The following NAT1 variants were observed in gnomAD, a reference collection of about 807,000 sequenced individuals.
The protein encoded by NAT1 is N-acetyltransferase 1.
For missense variants in NAT1, 400 were observed against 339.2 expected, an observed-to-expected ratio of 1.18 and a Z score of -1.41; for synonymous variants, 144 against 122.6, an observed-to-expected ratio of 1.17 and a Z score of -1.16.
chr8:18,174,041 C>A (rs1802197353), intron 2 of NAT1, among the ~76,000 whole-genome samples: 1 of 152,074 alleles, frequency 6.6e-6, no homozygotes, highest in South Asian at 2.1e-4. Context: ...TGTGAGTCAT[C>A]CTCCTTGTGA....
At chr8:18,198,238 G>A (rs917891078) in intron 2 of NAT1, among the ~76,000 whole-genome samples, 1 of 152,108 alleles carries the variant, frequency 6.6e-6, no homozygotes, top group Non-Finnish European at 1.5e-5. Flanking sequence ...TTCATGTGAG[G>A]TGCCCTCTAC....
chr8:18,196,804 T>G (rs1803253061), intron 2 of NAT1, among the ~76,000 whole-genome samples: 1 of 152,186 alleles, frequency 6.6e-6, no homozygotes, highest in Non-Finnish European at 1.5e-5. Context: ...AAAGGATATT[T>G]TAGAACTACA....
chr8:18,181,337 G>T (rs556741056), intron 2 of NAT1, among the ~76,000 whole-genome samples: 1 of 151,824 alleles, frequency 6.6e-6, no homozygotes, highest in African/African-American at 2.4e-5. Context: ...CAGATTCAAC[G>T]CAATCCCTAT....
chr8:18,196,089 T>G (rs1000214), intron 2 of NAT1, among the ~76,000 whole-genome samples: 127,876 of 152,066 alleles, frequency 0.84, 54,138 homozygotes, highest in African/African-American at 0.92. Flanking sequence ...ATACAGCAAT[T>G]TCAAAACATT....
chr8:18,197,528 C>T (rs1466195911), intron 2 of NAT1, among the ~76,000 whole-genome samples: 2 of 152,156 alleles, frequency 1.3e-5, no homozygotes, highest in African/African-American at 2.4e-5. Context: ...AAACAATGCA[C>T]ACGACAGCCC....
intron 2 of NAT1, among the ~76,000 whole-genome samples, chr8:18,190,480 A>G (rs1670938492): frequency 1.3e-5 from 2 of 152,206 alleles, no homozygotes; most frequent in African/African-American, 4.8e-5. Flanking sequence ...TTTACCCTAC[A>G]TGCATTCATT....
intron 2 of NAT1, among the ~76,000 whole-genome samples, chr8:18,177,307 C>T (rs774213278): frequency 6.6e-6 from 1 of 152,010 alleles, no homozygotes; most frequent in Non-Finnish European, 1.5e-5. Flanking sequence ...TTGGAATATA[C>T]AATGAATTAA....
At chr8:18,210,512 A>T (rs1389671541) in intron 1 of NAT1, among the ~76,000 whole-genome samples, 1 of 152,204 alleles carries the variant, frequency 6.6e-6, no homozygotes, top group Non-Finnish European at 1.5e-5. Context: ...TGTTGTGAGG[A>T]TTACATACGT....
intron 2 of NAT1, among the ~76,000 whole-genome samples, chr8:18,202,218 A>T (rs1414831072): frequency 6.6e-6 from 1 of 152,186 alleles, no homozygotes; most frequent in East Asian, 1.9e-4. Context: ...GCCTCAGCAA[A>T]TAATGGTTTT....
chr8:18,213,740 G>T (rs1259178913), intron 1 of NAT1, among the ~76,000 whole-genome samples: 1 of 151,706 alleles, frequency 6.6e-6, no homozygotes, highest in Non-Finnish European at 1.5e-5. Context: ...AACAATTCCA[G>T]TGTTGACAGT....
upstream of NAT1, among the ~76,000 whole-genome samples, chr8:18,207,439 G>A (rs1424430789): frequency 6.6e-6 from 1 of 151,880 alleles, no homozygotes; most frequent in Non-Finnish European, 1.5e-5. Flanking sequence ...GTGGTAGCTT[G>A]ATGAGAATAG....
intron 2 of NAT1, among the ~76,000 whole-genome samples, chr8:18,183,679 A>G (rs1802610861): frequency 6.6e-6 from 1 of 152,204 alleles, no homozygotes; most frequent in African/African-American, 2.4e-5. Flanking sequence ...ATCCCCTCCC[A>G]CAATAAACCT....
At chr8:18,215,678 C>A (rs1804586992) in intron 1 of NAT1, among the ~76,000 whole-genome samples, 1 of 151,322 alleles carries the variant, frequency 6.6e-6, no homozygotes, top group African/African-American at 2.4e-5. Context: ...TTGTATATAA[C>A]TTTTGCATGT....
At chr8:18,220,178 C>G (rs1805137950) in intron 2 of NAT1, among the ~76,000 whole-genome samples, 1 of 151,990 alleles carries the variant, frequency 6.6e-6, no homozygotes, top group Non-Finnish European at 1.5e-5. Flanking sequence ...AGAGCTTGAC[C>G]AAATGTTACG....
intron 2 of NAT1, chr8:18,201,263 C>G (rs1803450287): frequency 6.6e-6 from 1 of 152,146 alleles, no homozygotes; most frequent in South Asian, 2.1e-4. Context: ...TTGGTTTAAA[C>G]TCATTACCAA....
upstream of NAT1, chr8:18,210,098 G>A (rs183827522): frequency 1.3e-5 from 2 of 152,320 alleles, no homozygotes; most frequent in East Asian, 1.9e-4. Context: ...GCAGACTTTG[G>A]AAGTGAGAGC....
intron 2 of NAT1, among the ~76,000 whole-genome samples, chr8:18,184,986 CT>C (rs1802674893): frequency 6.6e-6 from 1 of 152,120 alleles, no homozygotes; most frequent in African/African-American, 2.4e-5. Context: ...GGGCTGCTAT[CT>C]TTTTTAGTTG....
In NAT1 at chr8:18,216,420, A is replaced by G. The variant is rs540696207; in HGVS notation, c.-85-2991A>G. ...TTGCAGCCTTGTCTTTTGCCACTTG[A>G]CAAGCTCGAGTCAGGGCAATCAATT... On this transcript the variant is annotated intron_variant, in intron 1 of 2. Coordinates refer to ENST00000307719, the MANE Select transcript of NAT1 (RefSeq NM_000662.8). Among the ~76,000 whole-genome samples the G allele has an allele frequency of 3.9e-5, 6 of 152,224 alleles. No individual in the cohort carries two copies. In the South Asian group the frequency reaches 1.2e-3, roughly 32 times the overall value.
At chr8:18,183,055 A>G (rs566517312) in intron 2 of NAT1, among the ~76,000 whole-genome samples, 2 of 152,300 alleles carry the variant, frequency 1.3e-5, no homozygotes, top group South Asian at 4.1e-4. Flanking sequence ...CAGATGGAGT[A>G]ATTTATAAAC....
Sources: gnomAD v4.1 joint callset for allele counts (sites outside exome capture counted in the v4.1 genomes callset) on GRCh38, gnomAD v4.1.1 for gene constraint, MANE v1.5 for transcripts, NCBI Gene and HGNC (gene_info 2026-07-23, HGNC 2026-07-21) for gene names.